PXK: variants seen among roughly 807,000 people sequenced by gnomAD.
The protein encoded by PXK is PX domain-containing protein kinase-like protein.
In PXK, 35 loss-of-function variants were observed where a neutral mutation model predicts 84.7. The ratio of observed to expected loss-of-function variants is 0.41; its 90% CI spans 0.32 to 0.55. The LOEUF (loss-of-function observed/expected upper bound fraction) is 0.55, where lower values mean the gene tolerates loss of function less well. Ranked by LOEUF, PXK falls within the 20% of genes least tolerant of loss-of-function variation. The pLI is 0.21. For synonymous variants in PXK, 253 were observed against 260.8 expected (o/e 0.97, Z 0.29); for missense variants, 634 against 699.7 (o/e 0.91, Z 1.06).
chr3:58,403,008 CT>C (rs71287200), intron 12 of PXK, among the ~76,000 whole-genome samples: 261 of 141,194 alleles, frequency 1.8e-3, no homozygotes, highest in Admixed American at 3.0e-3. Flanking sequence ...ATAACATACC[CT>C]TTTTTTTTTT....
At chr3:58,419,105 T>C (rs187019629) in intron 17 of PXK, among the ~76,000 whole-genome samples, 94 of 152,358 alleles carry the variant, frequency 6.2e-4, no homozygotes, top group African/African-American at 2.1e-3. Flanking sequence ...GATCTAATGC[T>C]AATAGGCTGA....
Position 58,421,877 on chromosome 3 carries a change from T to G in PXK, c.1529-2875T>G, listed in dbSNP as rs188838787. 5.1e-6 allele frequency: 5 copies of G among 985,410 alleles called. No individual in the cohort carries two copies. The Admixed American group carries it at 3.1e-4, about 61-fold the overall frequency. The allele number at this position is 985,410 out of a possible 1,614,324, so 61.0% of individuals were successfully genotyped here. ...GGTAAGCTGTTTGCAGCATCCCCCT[T>G]CCTGGGTGCAAATTCAGGTATCATA... On this transcript the variant is annotated intron_variant, in intron 17 of 17. Coordinates refer to ENST00000356151, the MANE Select transcript of PXK (RefSeq NM_017771.5). This position sits in a 1 kb window ranked among gnomAD's most constrained non-coding sequence, Gnocchi z 5.5.
intron 1 of PXK, among the ~76,000 whole-genome samples, chr3:58,363,414 G>T (rs2138239): frequency 0.23 from 34,681 of 152,060 alleles, 5,910 homozygotes; most frequent in East Asian, 0.82. Flanking sequence ...CGGCAGTCAT[G>T]ACCTTCCGGG....
chr3:58,389,196 C>T (rs1018516951), intron 4 of PXK, among the ~76,000 whole-genome samples: 4 of 151,974 alleles, frequency 2.6e-5, no homozygotes, highest in Admixed American at 6.6e-5. Context: ...AACAGGCACT[C>T]GGAGACTTTC....
chr3:58,360,096 T>C (rs1490983649), intron 1 of PXK, among the ~76,000 whole-genome samples: 12 of 152,166 alleles, frequency 7.9e-5, no homozygotes, highest in Admixed American at 7.9e-4. Flanking sequence ...CGCATGCCAT[T>C]GTACTCTAGC....
intron 1 of PXK, among the ~76,000 whole-genome samples, chr3:58,360,091 G>GC (rs2098156253): frequency 3.3e-5 from 5 of 152,166 alleles, no homozygotes; most frequent in Admixed American, 3.3e-4. Flanking sequence ...GAGGCCGCAT[G>GC]CCATTGTACT....
In PXK at chr3:58,399,243, A is replaced by G. The variant is rs376396571; in HGVS notation, c.1103-56A>G. The stretch of plus-strand genomic sequence containing the variant: ...AAGTGGTGTTAAACTTTTCATCAGC[A>G]AGTGGATTTGCCAGCGTGTTCTGTG... On this transcript the variant is annotated intron_variant, in intron 11 of 17. Coordinates refer to ENST00000356151, the MANE Select transcript of PXK (RefSeq NM_017771.5). The surrounding 1 kb of genome is among the most constrained non-coding windows in gnomAD (Gnocchi z 4.3). 339 of 1,488,892 alleles carry G rather than the reference A, an allele frequency of 2.3e-4. 1 individual carries two copies. The African/African-American group carries it at 3.7e-3, about 16-fold the overall frequency. 92.2% of individuals were successfully genotyped at this position (1,488,892 alleles called of 1,614,324 possible).
intron 2 of PXK, 66 bp from the exon 3 acceptor site, chr3:58,369,365 A>G: frequency 7.7e-7 from 1 of 1,297,210 alleles, no homozygotes; most frequent in South Asian, 1.2e-5. Flanking sequence ...TCTAATACAT[A>G]TTAAATAAAG....
Position 58,364,531 on chromosome 3 carries a change from G to A in PXK, c.103-1343G>A, listed in dbSNP as rs2098241568. Among the ~76,000 whole-genome samples, 2 of 152,136 alleles carry A rather than the reference G, an allele frequency of 1.3e-5. No homozygotes were observed. The highest frequency in any genetic ancestry group is 2.9e-5 in the Non-Finnish European group (2 of 68,020). ...GTTCGAGACCAGCTGGGCCAATATGGTGAAACCCCATCTCCGCTAAAAACA... is the reference window on the plus strand; with the variant it reads ...GTTCGAGACCAGCTGGGCCAATATGATGAAACCCCATCTCCGCTAAAAACA... On this transcript the variant is annotated intron_variant, in intron 1 of 17. Coordinates refer to ENST00000356151, the MANE Select transcript of PXK (RefSeq NM_017771.5). The surrounding 1 kb of genome is among the most constrained non-coding windows in gnomAD (Gnocchi z 4.3).
At position 58,395,672 on chromosome 3, in the gene PXK, C is replaced by G. The variant is rs1479312373; in HGVS notation, c.735C>G (p.Asp245Glu). Reference protein sequence around the residue: ...KDLIYKAKPKDPFLKKYCNPK... With the variant: ...KDLIYKAKPKEPFLKKYCNPK... ...CTTTTCCAAAGGCAAAACCAAAAGACCCATTTCTAAAGAAGTACTGCAACC... is the reference window on the plus strand; with the variant it reads ...CTTTTCCAAAGGCAAAACCAAAAGAGCCATTTCTAAAGAAGTACTGCAACC... The change falls in exon 9 of 18, where the codon GAC (aspartate) becomes GAG (glutamate). Residue 245 changes from aspartate to glutamate, a missense_variant. Asp to Glu is a conservative substitution (Grantham distance 45). Transcript: ENST00000356151. 6.2e-7 allele frequency: 1 copy of G among 1,613,044 alleles called. No homozygotes were observed. The highest frequency in any genetic ancestry group is 1.3e-5 in the African/African-American group (1 of 74,970).
Position 58,420,860 on chromosome 3 carries a change from A to G in PXK, c.1529-3892A>G, listed in dbSNP as rs1196938414. ...CAAATCAACTGCATGGCATTTTGGT[A>G]TATTTTAATTTTGGAAACCATAACT... On this transcript the variant is annotated intron_variant, in intron 17 of 17. Coordinates refer to ENST00000356151, the MANE Select transcript of PXK (RefSeq NM_017771.5). 4.1e-6 allele frequency: 5 copies of G among 1,218,412 alleles called. No homozygotes were observed. The Admixed American group carries it at 1.2e-4, about 30-fold the overall frequency. 75.5% of individuals were successfully genotyped at this position (1,218,412 alleles called of 1,614,324 possible).
rs995926254 is a variant in PXK at position 58,411,798 on chromosome 3, A to T, written c.1466-1103A>T. Among the ~76,000 whole-genome samples, 6 of 152,244 alleles carry T rather than the reference A, an allele frequency of 3.9e-5. No homozygotes were observed. The highest frequency in any genetic ancestry group is 1.3e-4 in the Admixed American group (2 of 15,284). On this transcript the variant is annotated intron_variant, in intron 16 of 17. Coordinates refer to ENST00000356151, the MANE Select transcript of PXK (RefSeq NM_017771.5). This position sits in a 1 kb window ranked among gnomAD's most constrained non-coding sequence, Gnocchi z 4.2. ...GTGAAGCTTCTCCCCATTAAAGTTC[A>T]TTAGCACTACGAACAGTATAAAGAC... is the stretch of plus-strand genomic sequence containing the variant.
In PXK at chr3:58,333,739, CATTT is replaced by C. The variant is rs2097539202; in HGVS notation, c.102+650_102+653del. 1 of 420,284 alleles carries C rather than the reference CATTT, an allele frequency of 2.4e-6. No individual in the cohort carries two copies. The highest frequency in any genetic ancestry group is 1.7e-5 in the South Asian group (1 of 59,810). The allele number at this position is 420,284 out of a possible 1,614,324, so 26.0% of individuals were successfully genotyped here. On this transcript the variant is annotated intron_variant, in intron 1 of 17. Coordinates refer to ENST00000356151, the MANE Select transcript of PXK (RefSeq NM_017771.5). This position sits in a 1 kb window ranked among gnomAD's most constrained non-coding sequence, Gnocchi z 5.4. ...CTCTTTAGTGGGCAGTGGTAGCATT[CATTT>C]GAGTTTAAAATCCACTCGAGTAGCA...
intron 3 of PXK, among the ~76,000 whole-genome samples, chr3:58,373,532 G>GC (rs1411845095): frequency 6.6e-6 from 1 of 152,194 alleles, no homozygotes; most frequent in Non-Finnish European, 1.5e-5. Flanking sequence ...CCAGGGGACA[G>GC]CAGGGGGTTG....
intron 1 of PXK, among the ~76,000 whole-genome samples, chr3:58,345,071 A>G (rs2097792251): frequency 6.6e-6 from 1 of 152,206 alleles, no homozygotes; most frequent in Admixed American, 6.5e-5. Flanking sequence ...GCCTATTAAG[A>G]TAAAAAGATG....
intron 2 of PXK, among the ~76,000 whole-genome samples, chr3:58,368,182 G>A (rs1420090887): frequency 2.6e-5 from 4 of 152,070 alleles, no homozygotes; most frequent in African/African-American, 9.7e-5. Context: ...CTTCCTCCTG[G>A]GTATGGGGCA....
At chr3:58,336,783 T>C (rs192200657) in intron 1 of PXK, among the ~76,000 whole-genome samples, 58 of 152,302 alleles carry the variant, frequency 3.8e-4, no homozygotes, top group African/African-American at 1.4e-3. Flanking sequence ...GGGTAGGCTG[T>C]GTGTGATAGC....
chr3:58,418,369 C>T (rs6799077), intron 17 of PXK, among the ~76,000 whole-genome samples: 45,104 of 151,994 alleles, frequency 0.3, 7,454 homozygotes, highest in Middle Eastern at 0.39. Context: ...AGACTTTGAC[C>T]GAGGTCACAC....
intron 13 of PXK, 91 bp downstream of exon 13, chr3:58,404,001 T>C (rs1365927916): frequency 1.2e-6 from 1 of 852,208 alleles, no homozygotes; most frequent in South Asian, 3.2e-5. Flanking sequence ...AGAAAAGATA[T>C]ATAATAGGGA....
Sources: gnomAD v4.1 joint callset for allele counts (sites outside exome capture counted in the v4.1 genomes callset) on GRCh38, gnomAD v4.1.1 for gene constraint, Gnocchi (gnomAD v3.1) non-coding constraint, MANE v1.5 for transcripts, NCBI Gene and HGNC (gene_info 2026-07-23, HGNC 2026-07-21) for gene names.